LRRC74A: variants seen among roughly 807,000 people sequenced by gnomAD.
LRRC74A encodes leucine rich repeat containing 74A, also known as leucine-rich repeat-containing protein 74A.
Under a neutral mutation model 57.9 loss-of-function variants are expected in LRRC74A, and 44 were observed. The ratio of observed to expected loss-of-function variants is 0.76; its 90% CI spans 0.60 to 0.98. The LOEUF (loss-of-function observed/expected upper bound fraction) is 0.98, where lower values mean the gene tolerates loss of function less well. Ranked by LOEUF, LRRC74A falls within the 50% of genes least tolerant of loss-of-function variation. LRRC74A has a pLI of 0.00. For missense variants in LRRC74A, 572 were observed against 574.0 expected, an observed-to-expected ratio of 1.00 and a Z score of 0.04; for synonymous variants, 211 against 219.4, an observed-to-expected ratio of 0.96 and a Z score of 0.34.
chr14:76,828,022 CG>C (rs1359870944), intron 1 of LRRC74A, among the ~76,000 whole-genome samples: 3 of 152,168 alleles, frequency 2.0e-5, no homozygotes, highest in Non-Finnish European at 4.4e-5. Context: ...CTCCAAGGCA[CG>C]CCTCAGACAG....
chr14:76,837,972 G>A lies in LRRC74A; in HGVS notation c.544+1G>A. ...TCTATCTGGAGCCTTGAGCTTTCAG[G>A]TGAGCACATGGAAAGGGAGGGAGAA... On this transcript the variant is annotated splice_donor_variant, in intron 5 of 13. Transcript: ENST00000689127. LOFTEE classifies it high-confidence loss of function. The A allele has an allele frequency of 1.3e-6, 2 of 1,551,636 alleles. No individual in the cohort carries two copies. Among genetic ancestry groups the A allele is most frequent in the African/African-American group, 1.4e-5 (1 of 73,560 alleles).
chr14:76,852,540 C>A, intron 8 of LRRC74A, 90 bp downstream of exon 8: 1 of 943,958 alleles, frequency 1.1e-6, no homozygotes, highest in Non-Finnish European at 1.6e-6. Context: ...TCCTCATGGT[C>A]ACCATCAATG....
At chr14:76,859,662 C>CTTTTTTTTTTTTTTTTTTTTTTTTT in intron 10 of LRRC74A, among the ~76,000 whole-genome samples, 1 of 80,902 alleles carries the variant, frequency 1.2e-5, no homozygotes, top group Non-Finnish European at 2.3e-5. Context: ...CTGAATTAGC[C>CTTTTTTTTTTTTTTTTTTTTTTTTT]TTTTTTTTTT....
intron 11 of LRRC74A, among the ~76,000 whole-genome samples, chr14:76,865,382 A>G (rs1019981063): frequency 6.6e-6 from 1 of 152,224 alleles, no homozygotes; most frequent in Non-Finnish European, 1.5e-5. Context: ...GCACATATCA[A>G]GGGATGACTA....
At chr14:76,829,448 T>C (rs1320158019) in intron 2 of LRRC74A, among the ~76,000 whole-genome samples, 1 of 152,224 alleles carries the variant, frequency 6.6e-6, no homozygotes, top group Non-Finnish European at 1.5e-5. Context: ...AAGTCTGTTG[T>C]TAACGTTGCT....
intron 3 of LRRC74A, among the ~76,000 whole-genome samples, chr14:76,831,647 G>A (rs1181535907): frequency 6.6e-6 from 1 of 152,148 alleles, no homozygotes; most frequent in Non-Finnish European, 1.5e-5. Context: ...TGTTCAGGAA[G>A]CAAAGGCACC....
intron 10 of LRRC74A, among the ~76,000 whole-genome samples, chr14:76,859,821 A>G (rs558285850): frequency 2.1e-4 from 32 of 151,806 alleles, no homozygotes; most frequent in Non-Finnish European, 4.3e-4. Flanking sequence ...GATTACAGGC[A>G]CCCACTACCG....
At chr14:76,843,287 CA>C (rs59087508) in intron 5 of LRRC74A, among the ~76,000 whole-genome samples, 188 of 130,356 alleles carry the variant, frequency 1.4e-3, no homozygotes, top group Admixed American at 8.4e-3. Flanking sequence ...GACTCCGTCT[CA>C]AAAAAAAAAA....
intron 2 of LRRC74A, chr14:76,828,715 C>T (rs1442813453): frequency 2.0e-6 from 1 of 500,036 alleles, no homozygotes; most frequent in Admixed American, 2.3e-5. Context: ...TAAATGTTTC[C>T]ACGTGGGGCA....
intron 10 of LRRC74A, among the ~76,000 whole-genome samples, chr14:76,860,282 T>C (rs769046339): frequency 3.9e-5 from 6 of 152,192 alleles, no homozygotes; most frequent in Non-Finnish European, 8.8e-5. Flanking sequence ...ATTTTGTCCC[T>C]GGTCACTTAT....
intron 11 of LRRC74A, among the ~76,000 whole-genome samples, chr14:76,863,611 C>T (rs555983319): frequency 6.6e-6 from 1 of 152,316 alleles, no homozygotes; most frequent in South Asian, 2.1e-4. Flanking sequence ...TGCATTGCAA[C>T]CTGTGAACTC....
At chr14:76,829,583 C>T (rs181377534) in intron 2 of LRRC74A, among the ~76,000 whole-genome samples, 52 of 152,344 alleles carry the variant, frequency 3.4e-4, no homozygotes, top group Admixed American at 7.2e-4. Flanking sequence ...CAAGTGCTAA[C>T]ACTGTCGCAA....
chr14:76,839,335 A>T (rs1162943954), intron 5 of LRRC74A, among the ~76,000 whole-genome samples: 1 of 152,256 alleles, frequency 6.6e-6, no homozygotes, highest in Non-Finnish European at 1.5e-5. Context: ...CATCCCCAGA[A>T]GGGAAATAAC....
chr14:76,840,265 A>G (rs1027565985), intron 5 of LRRC74A, among the ~76,000 whole-genome samples: 18 of 152,194 alleles, frequency 1.2e-4, no homozygotes, highest in African/African-American at 4.3e-4. Flanking sequence ...CAACATAGCA[A>G]GACCCCATCT....
chr14:76,846,432 C>A (rs1190687651), intron 7 of LRRC74A, among the ~76,000 whole-genome samples: 2 of 152,134 alleles, frequency 1.3e-5, no homozygotes, highest in African/African-American at 4.8e-5. Flanking sequence ...GAAGCTCTCA[C>A]ACATACACAG....
chr14:76,868,852 T>C (rs1269562524), intron 13 of LRRC74A, among the ~76,000 whole-genome samples: 3 of 152,264 alleles, frequency 2.0e-5, no homozygotes, highest in Non-Finnish European at 2.9e-5. Flanking sequence ...AGGCTGCGGC[T>C]GTGCGCGGAT....
At chr14:76,834,056 A>G (rs1485659704) in intron 3 of LRRC74A, among the ~76,000 whole-genome samples, 4 of 152,222 alleles carry the variant, frequency 2.6e-5, no homozygotes, top group Non-Finnish European at 5.9e-5. Context: ...GTGTATTTGT[A>G]GAATACATGG....
chr14:76,848,389 A>G (rs1272766028), intron 7 of LRRC74A, among the ~76,000 whole-genome samples: 1 of 148,334 alleles, frequency 6.7e-6, no homozygotes, highest in African/African-American at 2.5e-5. Flanking sequence ...ACAGAGTGAG[A>G]CTCCATCTCA....
At chr14:76,830,141 A>C (rs1171038543) in intron 2 of LRRC74A, among the ~76,000 whole-genome samples, 3 of 152,340 alleles carry the variant, frequency 2.0e-5, no homozygotes, top group Admixed American at 6.5e-5. Context: ...AGCGTCCCAA[A>C]GAGAAGTCTA....
Sources: allele counts gnomAD v4.1 joint callset (sites outside exome capture counted in the v4.1 genomes callset), GRCh38; gene constraint gnomAD v4.1.1; transcripts MANE v1.5; gene names NCBI Gene and HGNC (gene_info 2026-07-23, HGNC 2026-07-21).